The following PPIG variants were observed in gnomAD, a reference collection of about 807,000 sequenced individuals.
The protein encoded by PPIG is peptidylprolyl isomerase G.
PPIG carries 26 observed loss-of-function variants against 87.9 expected under a neutral mutation model. The ratio of observed to expected loss-of-function variants is 0.30; its 90% CI spans 0.22 to 0.41. The LOEUF is 0.41. Ranked by LOEUF, PPIG falls within the 10% of genes least tolerant of loss-of-function variation. PPIG has a pLI of 1.00. For missense variants in PPIG, 722 were observed against 879.4 expected (o/e 0.82, Z 2.26); for synonymous variants, 308 against 276.5 (o/e 1.11, Z -1.13).
chr2:169,636,706 AGAG>A lies in PPIG; in HGVS notation c.1451_1453del (p.Arg484del). On this transcript the variant is annotated inframe_deletion, in exon 14 of 14. Transcript: ENST00000260970. ...TCAAAACATAATAGAAATGAAGAAA[AGAG>A]GATGAGGTCAAGGAGTAAAGGAAGG... The A allele has an allele frequency of 1.9e-6, 3 of 1,611,222 alleles. No homozygotes were observed. The highest frequency in any genetic ancestry group is 2.5e-6 in the Non-Finnish European group (3 of 1,179,382).
At chr2:169,614,381 T>G (rs1685561309) in intron 7 of PPIG, 83 bp from the exon 8 acceptor site, 8 of 1,257,698 alleles carry the variant, frequency 6.4e-6, no homozygotes, top group Non-Finnish European at 7.9e-6. Flanking sequence ...TCCAATACAG[T>G]TATTTTCTTT....
chr2:169,619,171 G>A (rs760200399), intron 9 of PPIG, among the ~76,000 whole-genome samples: 4 of 152,134 alleles, frequency 2.6e-5, no homozygotes, highest in Non-Finnish European at 4.4e-5. Flanking sequence ...CCATGTAATT[G>A]TGCAGTTTTG....
chr2:169,630,689 A>AGT, intron 9 of PPIG, 85 bp from the exon 10 acceptor site: 1 of 1,139,342 alleles, frequency 8.8e-7, no homozygotes, highest in Non-Finnish European at 1.3e-6. Flanking sequence ...TACTGAACTT[A>AGT]GTGAGAATCT....
intron 1 of PPIG, among the ~76,000 whole-genome samples, chr2:169,595,526 T>G (rs1431779094): frequency 1.3e-5 from 2 of 152,190 alleles, no homozygotes; most frequent in Non-Finnish European, 2.9e-5. Flanking sequence ...ACTATTTTTT[T>G]GCACCCATTA....
Position 169,636,729 on chromosome 2 carries a change from G to A in PPIG, c.1471G>A (p.Gly491Arg), listed in dbSNP as rs1319242523. The A allele has an allele frequency of 6.2e-7, 1 of 1,612,136 alleles. No individual in the cohort carries two copies. The highest frequency in any genetic ancestry group is 8.5e-7 in the Non-Finnish European group (1 of 1,179,586). ...AAAGAGGATGAGGTCAAGGAGTAAA[G>A]GAAGGGATCATGAAAATGTTAAAGA... ...EEKRMRSRSKGRDHENVKEKE... is the reference protein window; with the variant it reads ...EEKRMRSRSKRRDHENVKEKE... The change falls in exon 14 of 14, where the codon GGA becomes AGA. Residue 491 changes from glycine (G) to arginine (R), a missense_variant. Physicochemically the swap from Gly to Arg is moderately radical, Grantham distance 125. Coordinates refer to ENST00000260970, the MANE Select transcript of PPIG (RefSeq NM_004792.3).
chr2:169,603,081 A>G (rs1020943982), intron 1 of PPIG, among the ~76,000 whole-genome samples: 2 of 152,222 alleles, frequency 1.3e-5, no homozygotes, highest in Admixed American at 6.5e-5. Flanking sequence ...GAATGGAGGT[A>G]GAAGAATAAA....
At chr2:169,600,174 A>G (rs1278815070) in intron 1 of PPIG, among the ~76,000 whole-genome samples, 2 of 151,508 alleles carry the variant, frequency 1.3e-5, no homozygotes, top group Non-Finnish European at 2.9e-5. Flanking sequence ...TCCCTGGCTC[A>G]AGTGATCTTT....
Position 169,609,422 on chromosome 2 carries a change from G to A in PPIG, c.377+664G>A, listed in dbSNP as rs145594774. Among the ~76,000 whole-genome samples the A allele has an allele frequency of 1.3e-4, 18 of 142,294 alleles. No individual in the cohort carries two copies. The East Asian group carries it at 4.0e-3, about 32-fold the overall frequency. The allele number at this position is 142,294 out of a possible 152,430, so 93.4% of individuals were successfully genotyped here. On this transcript the variant is annotated intron_variant, in intron 7 of 13. Coordinates refer to ENST00000260970, the MANE Select transcript of PPIG (RefSeq NM_004792.3). ...GACGGGGTCTCCCTGTGTTGCCCAGGCTGGACTCCAGGCTGGGATTACACA... is the reference window on the plus strand; with the variant it reads ...GACGGGGTCTCCCTGTGTTGCCCAGACTGGACTCCAGGCTGGGATTACACA...
intron 9 of PPIG, among the ~76,000 whole-genome samples, chr2:169,615,867 C>T (rs1456441514): frequency 6.6e-6 from 1 of 152,094 alleles, no homozygotes; most frequent in African/African-American, 2.4e-5. Flanking sequence ...TATTATTATA[C>T]TTTAAGTTCT....
chr2:169,605,464 C>T (rs984094040), intron 4 of PPIG, among the ~76,000 whole-genome samples: 2 of 151,946 alleles, frequency 1.3e-5, no homozygotes, highest in Admixed American at 6.6e-5. Context: ...GATCACTCCA[C>T]TGCACTCCAG....
intron 1 of PPIG, among the ~76,000 whole-genome samples, chr2:169,599,961 A>G (rs1486470904): frequency 6.6e-6 from 1 of 152,046 alleles, no homozygotes; most frequent in Admixed American, 6.6e-5. Context: ...TCCATTATTT[A>G]CTTCATTAGT....
chr2:169,617,938 C>G (rs1031245739), intron 9 of PPIG, among the ~76,000 whole-genome samples: 2 of 152,140 alleles, frequency 1.3e-5, no homozygotes, highest in Non-Finnish European at 2.9e-5. Flanking sequence ...TGCCAGTTTT[C>G]AAAGGGAACG....
chr2:169,619,894 T>C (rs1411732969), intron 9 of PPIG, among the ~76,000 whole-genome samples: 7 of 152,182 alleles, frequency 4.6e-5, no homozygotes, highest in Non-Finnish European at 1.0e-4. Context: ...TTGAGAAATA[T>C]CTCTTCAGAT....
At chr2:169,619,465 T>TG (rs1020982312) in intron 9 of PPIG, among the ~76,000 whole-genome samples, 1 of 152,156 alleles carries the variant, frequency 6.6e-6, no homozygotes, top group Admixed American at 6.6e-5. Flanking sequence ...ATATTGACAG[T>TG]GGGGTGTTAA....
chr2:169,618,465 T>C (rs992041218), intron 9 of PPIG, among the ~76,000 whole-genome samples: 15 of 152,214 alleles, frequency 9.9e-5, no homozygotes, highest in African/African-American at 3.1e-4. Flanking sequence ...AGAATTTAGC[T>C]GTGAATCCAT....
intron 9 of PPIG, 41 bp downstream of exon 9, chr2:169,614,765 C>T (rs745594307): frequency 6.5e-7 from 1 of 1,539,158 alleles, no homozygotes; most frequent in Admixed American, 2.2e-5. Context: ...CTTACACATA[C>T]AAAATAAGCA....
chr2:169,637,333 TAAAAC>T lies in PPIG; in HGVS notation c.2079_2083del (p.Ser696GlyfsTer3), dbSNP rs760418937. On this transcript the variant is annotated frameshift_variant, in exon 14 of 14. Transcript: ENST00000260970. LOFTEE classifies it high-confidence loss of function. Reference sequence around the variant, plus strand: ...AGAGATCAAAGTCCCTTCTCAAAAATAAAACAAAGCAGTCAGGACAATGAATTAAA... The same window carrying T: ...AGAGATCAAAGTCCCTTCTCAAAAATAAAGCAGTCAGGACAATGAATTAAA... 65 of 1,605,142 alleles carry T rather than the reference TAAAAC, an allele frequency of 4.0e-5. No homozygotes were observed. The highest frequency in any genetic ancestry group is 3.3e-4 in the Admixed American group (19 of 58,070).
chr2:169,598,004 C>T (rs1574439663), intron 1 of PPIG, among the ~76,000 whole-genome samples: 2 of 139,660 alleles, frequency 1.4e-5, no homozygotes, highest in East Asian at 2.1e-4. Flanking sequence ...CCTGGGCAAC[C>T]TTTTTTTTTT....
chr2:169,632,827 A>C (rs1302200935), intron 11 of PPIG, among the ~76,000 whole-genome samples: 1 of 151,290 alleles, frequency 6.6e-6, no homozygotes, highest in African/African-American at 2.4e-5. Context: ...GATCAGAAAT[A>C]CATTGTCATA....
Sources: allele counts gnomAD v4.1 joint callset (sites outside exome capture counted in the v4.1 genomes callset), GRCh38; gene constraint gnomAD v4.1.1; transcripts MANE v1.5; gene names NCBI Gene and HGNC (gene_info 2026-07-23, HGNC 2026-07-21).